The following LRRFIP1 variants were observed in gnomAD, a reference collection of about 807,000 sequenced individuals.
LRRFIP1 encodes LRR binding FLII interacting protein 1.
LRRFIP1 carries 62 observed loss-of-function variants against 104.4 expected under a neutral mutation model. That is an observed-to-expected ratio of 0.59 (90% confidence interval 0.48 to 0.73). LRRFIP1 has a LOEUF of 0.73. LRRFIP1 is among the 30% of genes least tolerant of loss of function. The pLI, the probability that LRRFIP1 is intolerant of heterozygous loss-of-function variation, is 0.00. For synonymous variants in LRRFIP1, 300 were observed against 299.0 expected (o/e 1.00, Z -0.03); for missense variants, 796 against 824.5 (o/e 0.97, Z 0.42).
rs1178136949 is a variant in LRRFIP1 at position 237,745,933 on chromosome 2, A to G, written c.634-2431A>G. 2.0e-5 allele frequency among the ~76,000 whole-genome samples: 3 copies of G among 149,996 alleles called. No homozygotes were observed. The East Asian group carries it at 5.9e-4, about 30-fold the overall frequency. On this transcript the variant is annotated intron_variant, in intron 11 of 23. Transcript: ENST00000308482. ...CTTATTAATATTTGTTCAGCAAACT[A>G]ACTTACTCTAAGGAATAAAAGGCTT...
intron 13 of LRRFIP1, among the ~76,000 whole-genome samples, chr2:237,750,223 T>C (rs1400844331): frequency 2.0e-5 from 3 of 152,008 alleles, no homozygotes; most frequent in African/African-American, 4.8e-5. Flanking sequence ...GTTTTATAAG[T>C]TTACAAAACC....
chr2:237,644,749 C>T (rs1341703615), intron 1 of LRRFIP1, among the ~76,000 whole-genome samples: 1 of 152,240 alleles, frequency 6.6e-6, no homozygotes, highest in Non-Finnish European at 1.5e-5. Flanking sequence ...GTCATCAGTT[C>T]ACCTTGGACT....
chr2:237,718,646 A>C (rs2094431780), intron 4 of LRRFIP1, among the ~76,000 whole-genome samples: 1 of 152,136 alleles, frequency 6.6e-6, no homozygotes, highest in South Asian at 2.1e-4. Flanking sequence ...GGACTTCATC[A>C]CATGCTTTTA....
At chr2:237,698,124 C>T (rs1025680765) in intron 1 of LRRFIP1, among the ~76,000 whole-genome samples, 12 of 152,252 alleles carry the variant, frequency 7.9e-5, no homozygotes, top group African/African-American at 2.2e-4. Flanking sequence ...TTTTAGGATG[C>T]GAAGGACTTT....
At chr2:237,701,570 C>T (rs575425684) in intron 1 of LRRFIP1, among the ~76,000 whole-genome samples, 2 of 152,352 alleles carry the variant, frequency 1.3e-5, no homozygotes, top group South Asian at 4.1e-4. Context: ...TCCCTGAGTT[C>T]CCTGACCCGG....
rs1272224284 is a variant in LRRFIP1 at position 237,772,626 on chromosome 2, T to C, written c.1628-240T>C. 6 of 575,620 alleles carry C rather than the reference T, an allele frequency of 1.0e-5. No homozygotes were observed. In the African/African-American group the frequency reaches 1.1e-4, roughly 11 times the overall value. 35.7% of individuals were successfully genotyped at this position (575,620 alleles called of 1,614,324 possible). On this transcript the variant is annotated intron_variant, in intron 21 of 23. Transcript: ENST00000308482. ...ACCATCTCTTTGTCTTCTTCACTCATAGGCACTCTCTTGCCTGAGGTTTCC... is the reference window on the plus strand; with the variant it reads ...ACCATCTCTTTGTCTTCTTCACTCACAGGCACTCTCTTGCCTGAGGTTTCC...
intron 10 of LRRFIP1, among the ~76,000 whole-genome samples, chr2:237,738,056 C>G (rs2150414889): frequency 6.6e-6 from 1 of 152,220 alleles, no homozygotes; most frequent in South Asian, 2.1e-4. Flanking sequence ...GTCACTAGCC[C>G]TGGTGAGGAA....
chr2:237,670,693 G>A (rs952375267), intron 1 of LRRFIP1, among the ~76,000 whole-genome samples: 1 of 152,348 alleles, frequency 6.6e-6, no homozygotes, highest in Non-Finnish European at 1.5e-5. Context: ...CCAGATGGCA[G>A]GTCCTGCCTG....
At chr2:237,767,331 G>T (rs889698676) in intron 19 of LRRFIP1, among the ~76,000 whole-genome samples, 9 of 152,152 alleles carry the variant, frequency 5.9e-5, no homozygotes, top group African/African-American at 2.2e-4. Context: ...ATCCCCAGAC[G>T]AACCTAGACC....
intron 10 of LRRFIP1, among the ~76,000 whole-genome samples, chr2:237,738,025 G>A (rs962229318): frequency 1.8e-4 from 27 of 152,166 alleles, no homozygotes; most frequent in African/African-American, 6.5e-4. Context: ...AGTATTTCTT[G>A]AGTTTGCCAG....
intron 10 of LRRFIP1, among the ~76,000 whole-genome samples, chr2:237,737,640 A>G (rs563529200): frequency 2.0e-5 from 3 of 152,302 alleles, no homozygotes; most frequent in Admixed American, 6.5e-5. Context: ...CTGCAGGATG[A>G]AGTTTTCCTC....
In LRRFIP1 at chr2:237,760,070, G is replaced by C. The variant is rs2059701624; in HGVS notation, c.1324G>C (p.Gly442Arg). 1 of 1,613,294 alleles carries C rather than the reference G, an allele frequency of 6.2e-7. No individual in the cohort carries two copies. Among genetic ancestry groups the C allele is most frequent in the Non-Finnish European group, 8.5e-7 (1 of 1,179,482 alleles). The part of the protein sequence containing the change: ...VMLKEELKKH[G>R]IILNSEIATN... ...AGCCTATTTTTGTTCCCAGAAACAT[G>C]GAATAATCCTAAATTCAGAAATAGC... Residue 442 changes from glycine to arginine, a missense_variant, in exon 19 of 24, where the codon GGA (glycine) becomes CGA (arginine). Gly to Arg is a moderately radical substitution (Grantham distance 125, BLOSUM62 -2). Coordinates refer to ENST00000308482, the MANE Select transcript of LRRFIP1 (RefSeq NM_001137550.2).
chr2:237,781,022 C>T lies in LRRFIP1; in HGVS notation c.*1490C>T, dbSNP rs1044150881. 2.6e-5 allele frequency among the ~76,000 whole-genome samples: 4 copies of T among 152,188 alleles called. No homozygotes were observed. The highest frequency in any genetic ancestry group is 2.4e-5 in the African/African-American group (1 of 41,442). ...ACCACTGGGAGACCCACACTGCACA[C>T]CCGGGCACCGTATGAACAGGAAAGA... On this transcript the variant is annotated 3_prime_UTR_variant, in exon 24 of 24. Transcript: ENST00000308482.
At chr2:237,761,135 C>T (rs921896829) in intron 19 of LRRFIP1, among the ~76,000 whole-genome samples, 1 of 152,216 alleles carries the variant, frequency 6.6e-6, no homozygotes, top group African/African-American at 2.4e-5. Context: ...AATGTAGACA[C>T]CTCCAGGCCC....
At chr2:237,759,248 G>A in intron 18 of LRRFIP1, among the ~76,000 whole-genome samples, 1 of 152,144 alleles carries the variant, frequency 6.6e-6, no homozygotes, top group East Asian at 1.9e-4. Context: ...AGACCTACTA[G>A]ATTACAGGTG....
intron 11 of LRRFIP1, among the ~76,000 whole-genome samples, chr2:237,743,068 G>T (rs962404102): frequency 2.0e-5 from 3 of 152,172 alleles, no homozygotes; most frequent in Non-Finnish European, 4.4e-5. Context: ...TTTCTCCTTG[G>T]CTGGGGTTAG....
At chr2:237,773,062 C>A in intron 22 of LRRFIP1, 117 bp downstream of exon 22, 1 of 738,898 alleles carries the variant, frequency 1.4e-6, no homozygotes. Context: ...AAGAAATGTC[C>A]TAAGAGGGAT....
chr2:237,634,867 A>G (rs2082871837), intron 1 of LRRFIP1, among the ~76,000 whole-genome samples: 1 of 152,212 alleles, frequency 6.6e-6, no homozygotes. Flanking sequence ...TATGTTCTAT[A>G]TGATTAAACA....
rs1244543767 is a variant in LRRFIP1 at position 237,766,156 on chromosome 2, G to C, written c.1460-3787G>C. 6.6e-6 allele frequency among the ~76,000 whole-genome samples: 1 copy of C among 152,170 alleles called. No individual in the cohort carries two copies. The highest frequency in any genetic ancestry group is 1.9e-4 in the East Asian group (1 of 5,184). On this transcript the variant is annotated intron_variant, in intron 19 of 23. Transcript: ENST00000308482. This position sits in a 1 kb window ranked among gnomAD's most constrained non-coding sequence, Gnocchi z 4.8. ...TGTCACGCACCATCCCCTGTGATCTGTGGTTCTGATGTGCAGCCTCAGCTG... is the reference window on the plus strand; with the variant it reads ...TGTCACGCACCATCCCCTGTGATCTCTGGTTCTGATGTGCAGCCTCAGCTG...
Sources: gnomAD v4.1 joint callset for allele counts (sites outside exome capture counted in the v4.1 genomes callset) on GRCh38, gnomAD v4.1.1 for gene constraint, Gnocchi (gnomAD v3.1) non-coding constraint, MANE v1.5 for transcripts, NCBI Gene and HGNC (gene_info 2026-07-23, HGNC 2026-07-21) for gene names.